The following ASTN2 variants were observed in gnomAD, a reference collection of about 807,000 sequenced individuals.
ASTN2 encodes astrotactin 2.
In ASTN2, 54 loss-of-function variants were observed where a neutral mutation model predicts 139.8. That is an observed-to-expected ratio of 0.39 (90% CI 0.31 to 0.48). The LOEUF is 0.48. Ranked by LOEUF, ASTN2 falls within the 20% of genes least tolerant of loss-of-function variation. The pLI, the probability that ASTN2 is intolerant of heterozygous loss-of-function variation, is 0.95. For missense variants in ASTN2, 1,565 were observed against 1,725.1 expected (o/e 0.91, Z 1.64); for synonymous variants, 756 against 719.5 (o/e 1.05, Z -0.81).
At chr9:117,034,275 A>C (rs1449675560) in intron 6 of ASTN2, among the ~76,000 whole-genome samples, 2 of 152,186 alleles carry the variant, frequency 1.3e-5, no homozygotes, top group East Asian at 3.9e-4. Context: ...CTCAGCTAAG[A>C]TAGGTGTTTA....
At chr9:116,675,755 G>A (rs190218795) in intron 16 of ASTN2, among the ~76,000 whole-genome samples, 18 of 152,158 alleles carry the variant, frequency 1.2e-4, no homozygotes, top group African/African-American at 4.1e-4. Flanking sequence ...GTTACATTTG[G>A]TGAGCCCTAA....
chr9:116,945,750 T>C (rs994193355), intron 10 of ASTN2, among the ~76,000 whole-genome samples: 1 of 152,134 alleles, frequency 6.6e-6, no homozygotes, highest in Non-Finnish European at 1.5e-5. Flanking sequence ...ACAACACACA[T>C]AGAGTTCTGG....
At chr9:117,315,721 A>G (rs184559190) in intron 1 of ASTN2, among the ~76,000 whole-genome samples, 29 of 152,338 alleles carry the variant, frequency 1.9e-4, no homozygotes, top group African/African-American at 7.0e-4. Context: ...AATTCAGCCC[A>G]TCATAGAATG....
intron 16 of ASTN2, among the ~76,000 whole-genome samples, chr9:116,719,274 G>A (rs1170856380): frequency 6.6e-6 from 1 of 152,052 alleles, no homozygotes; most frequent in Admixed American, 6.6e-5. Context: ...ATGGGTGGCT[G>A]AAATCAGCAG....
At chr9:117,286,246 GA>G (rs1480591508) in intron 2 of ASTN2, among the ~76,000 whole-genome samples, 1 of 150,824 alleles carries the variant, frequency 6.6e-6, no homozygotes, top group East Asian at 1.9e-4. Context: ...AAAGCAAAAT[GA>G]AAAAAACAAA....
chr9:116,686,905 T>A, intron 16 of ASTN2: 1 of 1,514,836 alleles, frequency 6.6e-7, no homozygotes. Flanking sequence ...TTCCCCAGAA[T>A]GGAAGTTTGA....
intron 16 of ASTN2, among the ~76,000 whole-genome samples, chr9:116,722,940 C>T (rs754560884): frequency 5.9e-5 from 9 of 152,068 alleles, no homozygotes; most frequent in African/African-American, 1.9e-4. Context: ...CTGAGATGGG[C>T]GGATCATGAG....
intron 10 of ASTN2, among the ~76,000 whole-genome samples, chr9:116,879,736 A>G (rs1833404248): frequency 6.6e-6 from 1 of 152,230 alleles, no homozygotes; most frequent in East Asian, 1.9e-4. Context: ...CACTGAGCCC[A>G]TAACGAAGAT....
At chr9:117,014,764 G>A (rs568269240) in intron 6 of ASTN2, among the ~76,000 whole-genome samples, 1 of 152,124 alleles carries the variant, frequency 6.6e-6, no homozygotes, top group South Asian at 2.1e-4. Flanking sequence ...GTCCTTATAA[G>A]AAGAGGATAT....
In ASTN2 at chr9:116,467,412, G is replaced by A. The variant is rs10983176; in HGVS notation, c.3497+19947C>T. ...CTCCCAAGTAGCTGGGACTACAGGCGCACGCCACCACTTCCAGCTAATTTT... is the reference window on the plus strand; with the variant it reads ...CTCCCAAGTAGCTGGGACTACAGGCACACGCCACCACTTCCAGCTAATTTT... On this transcript the variant is annotated intron_variant, in intron 20 of 22. Coordinates refer to ENST00000313400, the MANE Select transcript of ASTN2 (RefSeq NM_001365068.1). 0.016 allele frequency among the ~76,000 whole-genome samples: 2,428 copies of A among 152,208 alleles called. 185 individuals are homozygous for A. In the South Asian group the frequency reaches 0.21, roughly 13 times the overall value.
At chr9:116,463,909 T>TTTTTG (rs1564293873) in intron 20 of ASTN2, among the ~76,000 whole-genome samples, 1 of 72,934 alleles carries the variant, frequency 1.4e-5, no homozygotes, top group Non-Finnish European at 3.2e-5. Flanking sequence ...GAGTTTTGTG[T>TTTTTG]TTTTTTTTTT....
chr9:117,031,575 A>G (rs1484752859), intron 6 of ASTN2, among the ~76,000 whole-genome samples: 1 of 152,192 alleles, frequency 6.6e-6, no homozygotes, highest in African/African-American at 2.4e-5. Context: ...AACATTAACT[A>G]GATAAATTTA....
chr9:116,628,311 C>G (rs956571693), intron 17 of ASTN2, among the ~76,000 whole-genome samples: 1 of 152,140 alleles, frequency 6.6e-6, no homozygotes, highest in Non-Finnish European at 1.5e-5. Context: ...CAAGGGAACT[C>G]CAACATTTTC....
At chr9:117,006,618 T>C (rs1046320285) in intron 7 of ASTN2, among the ~76,000 whole-genome samples, 1 of 152,170 alleles carries the variant, frequency 6.6e-6, no homozygotes, top group African/African-American at 2.4e-5. Flanking sequence ...AATGGTCCTA[T>C]TCAAATGCAG....
At chr9:117,278,766 CTG>C (rs1276322380) in intron 2 of ASTN2, among the ~76,000 whole-genome samples, 1 of 152,156 alleles carries the variant, frequency 6.6e-6, no homozygotes, top group East Asian at 1.9e-4. Context: ...AATTGTTTGA[CTG>C]TATCGGTGGA....
chr9:117,208,093 A>G (rs1831997692), intron 3 of ASTN2, among the ~76,000 whole-genome samples: 2 of 152,214 alleles, frequency 1.3e-5, no homozygotes, highest in African/African-American at 4.8e-5. Flanking sequence ...GGACACATCA[A>G]ACATGAAAAA....
At chr9:117,269,212 C>G (rs368228859) in intron 2 of ASTN2, among the ~76,000 whole-genome samples, 1 of 152,166 alleles carries the variant, frequency 6.6e-6, no homozygotes, top group African/African-American at 2.4e-5. Context: ...AGACGCTAGA[C>G]CACGGAGTGT....
intron 7 of ASTN2, among the ~76,000 whole-genome samples, chr9:116,990,672 G>A (rs1836826318): frequency 6.6e-6 from 1 of 152,154 alleles, no homozygotes; most frequent in African/African-American, 2.4e-5. Context: ...GCACACTACA[G>A]CCCCCACTTT....
At chr9:117,325,192 G>A (rs1005241268) in intron 1 of ASTN2, among the ~76,000 whole-genome samples, 1 of 152,190 alleles carries the variant, frequency 6.6e-6, no homozygotes, top group Non-Finnish European at 1.5e-5. Flanking sequence ...CTGAGGGAGA[G>A]GCTGATGACA....
Sources: allele counts gnomAD v4.1 joint callset (sites outside exome capture counted in the v4.1 genomes callset), GRCh38; gene constraint gnomAD v4.1.1; transcripts MANE v1.5; gene names NCBI Gene and HGNC (gene_info 2026-07-23, HGNC 2026-07-21).